The following HMGXB4 variants were observed in gnomAD, a reference collection of about 807,000 sequenced individuals.
HMGXB4 encodes the protein HMG domain-containing protein 4.
Under a neutral mutation model 63.9 loss-of-function variants are expected in HMGXB4, and 27 were observed. The ratio of observed to expected loss-of-function variants is 0.42; its 90% CI spans 0.31 to 0.58. The LOEUF (loss-of-function observed/expected upper bound fraction) is 0.58. HMGXB4 is among the 20% of genes least tolerant of loss of function. The pLI is 0.13. For missense variants in HMGXB4, 624 were observed against 700.7 expected (o/e 0.89, Z 1.24); for synonymous variants, 264 against 265.3 (o/e 0.99, Z 0.05).
chr22:35,246,099 C>T, the HMGXB4 span, among the ~76,000 whole-genome samples: 1 of 152,080 alleles, frequency 6.6e-6, no homozygotes, highest in Non-Finnish European at 1.5e-5. Flanking sequence ...GGACGAAAGC[C>T]CCAGCTTCCT....
chr22:35,266,663 G>A (rs748646076), intron 5 of HMGXB4, among the ~76,000 whole-genome samples: 2 of 152,168 alleles, frequency 1.3e-5, no homozygotes, highest in Admixed American at 6.5e-5. Context: ...GAAGAAAAGC[G>A]ACTAAGAACG....
chr22:35,270,209 G>A (rs1001794860), intron 5 of HMGXB4, among the ~76,000 whole-genome samples: 7 of 152,080 alleles, frequency 4.6e-5, no homozygotes, highest in African/African-American at 7.2e-5. Flanking sequence ...ACTCCCTGTC[G>A]CTCACATTAC....
chr22:35,266,933 A>G lies in HMGXB4; in HGVS notation c.1215+1330A>G, dbSNP rs186846215. Reference sequence around the variant, plus strand: ...CAAGAGGTGGAGGCTACAGTGAGCTATAATCTTGCCACTGCAACTTCAGCC... The same window carrying G: ...CAAGAGGTGGAGGCTACAGTGAGCTGTAATCTTGCCACTGCAACTTCAGCC... On this transcript the variant is annotated intron_variant, in intron 5 of 10. Transcript: ENST00000216106. Among the ~76,000 whole-genome samples, 297 of 152,268 alleles carry G rather than the reference A, an allele frequency of 2.0e-3. 2 individuals carry two copies. Among genetic ancestry groups the G allele is most frequent in the African/African-American group, 6.9e-3 (288 of 41,558 alleles).
intron 5 of HMGXB4, among the ~76,000 whole-genome samples, chr22:35,271,609 T>G (rs1024844106): frequency 6.6e-6 from 1 of 152,170 alleles, no homozygotes; most frequent in African/African-American, 2.4e-5. Flanking sequence ...GATAACAGAC[T>G]TGCTTCCTAG....
In HMGXB4 at chr22:35,265,435, T is replaced by A. The variant is rs1358009632; in HGVS notation, c.1047T>A (p.Ser349=). The stretch of plus-strand genomic sequence containing the variant: ...AGTCCAAGAGAAGTTTAGGACTTTC[T>A]GCCGTGCCAGTGGGAGAGGTCACAG... ...HSKSKRSLGL[S]AVPVGEVTVT... The change falls in exon 5 of 11, where the codon TCT becomes TCA. Residue 349 remains serine (S), a synonymous_variant. Transcript: ENST00000216106. 5.6e-6 allele frequency: 9 copies of A among 1,614,030 alleles called. No homozygotes were observed. Among genetic ancestry groups the A allele is most frequent in the Non-Finnish European group, 6.8e-6 (8 of 1,180,016 alleles).
intron 8 of HMGXB4, 140 bp from the exon 9 acceptor site, chr22:35,288,091 GAGACCAT>G: frequency 2.0e-6 from 1 of 504,806 alleles, no homozygotes; most frequent in East Asian, 3.2e-5. Context: ...TAAAAAACAA[GAGACCAT>G]AGACTGAATT....
At chr22:35,251,679 C>T in the HMGXB4 span, among the ~76,000 whole-genome samples, 2 of 152,108 alleles carry the variant, frequency 1.3e-5, no homozygotes, top group African/African-American at 4.8e-5. Flanking sequence ...AGATTATTTT[C>T]GTGGCTTTAT....
At position 35,264,644 on chromosome 22, in the gene HMGXB4, C is replaced by G. The variant is rs780515673; in HGVS notation, c.260-4C>G. On this transcript the variant is annotated splice_polypyrimidine_tract_variant and splice_region_variant and intron_variant, in intron 4 of 10. Coordinates refer to ENST00000216106, the MANE Select transcript of HMGXB4 (RefSeq NM_001003681.3). ...TTGACAGTACTTCTCTTGATTATTT[C>G]TAGATATTTCGTCTTTGGAATCGTC... The G allele has an allele frequency of 6.4e-7, 1 of 1,551,408 alleles. No homozygotes were observed. The highest frequency in any genetic ancestry group is 2.3e-5 in the East Asian group (1 of 44,316).
the HMGXB4 span, among the ~76,000 whole-genome samples, chr22:35,250,812 T>C: frequency 6.6e-6 from 1 of 152,138 alleles, no homozygotes; most frequent in Non-Finnish European, 1.5e-5. Flanking sequence ...TCTCTGTGTC[T>C]TTCTGATTTT....
intron 9 of HMGXB4, 91 bp from the exon 10 acceptor site, chr22:35,292,901 A>C (rs1036444817): frequency 6.8e-7 from 1 of 1,470,998 alleles, no homozygotes; most frequent in African/African-American, 1.4e-5. Flanking sequence ...TAAGAGTAGA[A>C]CTGCCTAGGA....
the HMGXB4 span, among the ~76,000 whole-genome samples, chr22:35,243,680 A>T: frequency 6.6e-6 from 1 of 151,876 alleles, no homozygotes; most frequent in East Asian, 1.9e-4. Flanking sequence ...AGTTGCTGGG[A>T]TTACAGGCAT....
In HMGXB4 at chr22:35,264,775, G is replaced by T. The variant is rs763768481; in HGVS notation, c.387G>T (p.Lys129Asn). The change falls in exon 5 of 11, where the codon AAG becomes AAT. Residue 129 changes from lysine (K) to asparagine (N), a missense_variant. Lys to Asn is a moderately conservative substitution (Grantham distance 94). Transcript: ENST00000216106. ...CAGCAGGCTCCAAGCCCTCCAAAAA[G>T]ACTGGGGAGAAATCCTCTGGCTCTT... ...PLAAGSKPSK[K>N]TGEKSSGSSS... 9 of 1,614,090 alleles carry T rather than the reference G, an allele frequency of 5.6e-6. No individual in the cohort carries two copies. In the African/African-American group the frequency reaches 6.7e-5, roughly 12 times the overall value.
chr22:35,292,392 T>C (rs561191181), intron 9 of HMGXB4, among the ~76,000 whole-genome samples: 24 of 152,272 alleles, frequency 1.6e-4, no homozygotes, highest in African/African-American at 5.1e-4. Context: ...ATATGACATA[T>C]TCTCACACTG....
In HMGXB4 at chr22:35,293,683, C is replaced by T. The variant is rs1218573897; in HGVS notation, c.*32C>T. 3 of 1,548,180 alleles carry T rather than the reference C, an allele frequency of 1.9e-6. No individual in the cohort carries two copies. On this transcript the variant is annotated 3_prime_UTR_variant, in exon 11 of 11. Transcript: ENST00000216106. ...AGAATCCTGGGACAGAAACCTTATC[C>T]TACACCATTGCTGGTTTGTGTATAT...
the HMGXB4 span, among the ~76,000 whole-genome samples, chr22:35,251,985 CG>C: frequency 1.3e-5 from 2 of 152,226 alleles, no homozygotes; most frequent in South Asian, 4.2e-4. Context: ...GAAGCCAAGG[CG>C]GGTGGATCAC....
At chr22:35,243,318 C>T in the HMGXB4 span, among the ~76,000 whole-genome samples, 2 of 150,782 alleles carry the variant, frequency 1.3e-5, no homozygotes, top group Admixed American at 6.6e-5. Flanking sequence ...TGCAGTGAGC[C>T]GAGATCACGC....
chr22:35,257,043 G>A (rs1283398835), upstream of HMGXB4, among the ~76,000 whole-genome samples: 2 of 152,254 alleles, frequency 1.3e-5, no homozygotes, highest in Admixed American at 6.5e-5. Context: ...AAATGTAGAT[G>A]CTGAAGTCCA....
the HMGXB4 span, among the ~76,000 whole-genome samples, chr22:35,247,396 CCTT>C: frequency 6.6e-6 from 1 of 152,186 alleles, no homozygotes; most frequent in Non-Finnish European, 1.5e-5. Context: ...CTTCAGGTGG[CCTT>C]CTCCAGCATT....
intron 7 of HMGXB4, 52 bp downstream of exon 7, chr22:35,286,113 A>G (rs1264912913): frequency 2.2e-5 from 28 of 1,275,082 alleles, no homozygotes; most frequent in African/African-American, 4.5e-5. Flanking sequence ...GCCTTCCAAA[A>G]TATGTAATTC....
Sources: allele counts gnomAD v4.1 joint callset (sites outside exome capture counted in the v4.1 genomes callset), GRCh38; gene constraint gnomAD v4.1.1; transcripts MANE v1.5; gene names NCBI Gene and HGNC (gene_info 2026-07-23, HGNC 2026-07-21).